Variants in CNTNAP2 observed in about 807,000 individuals in gnomAD.
The protein encoded by CNTNAP2 is contactin-associated protein-like 2.
Under a neutral mutation model 155.2 loss-of-function variants are expected in CNTNAP2, and 98 were observed. The ratio of observed to expected loss-of-function variants is 0.63; its 90% CI spans 0.54 to 0.75. The LOEUF (loss-of-function observed/expected upper bound fraction) is 0.75, where lower values mean the gene tolerates loss of function less well. Among genes scored for constraint, CNTNAP2 ranks in the 30% least tolerant of loss-of-function variants. CNTNAP2 has a pLI of 0.00. For synonymous variants in CNTNAP2, 651 were observed against 631.2 expected, an observed-to-expected ratio of 1.03 and a Z score of -0.47; for missense variants, 1,727 against 1,688.1, an observed-to-expected ratio of 1.02 and a Z score of -0.40.
At chr7:147,938,207 T>C (rs1037276063) in intron 14 of CNTNAP2, among the ~76,000 whole-genome samples, 17 of 152,196 alleles carry the variant, frequency 1.1e-4, no homozygotes, top group African/African-American at 4.1e-4. Context: ...AGTCCTTTTC[T>C]AAAATTTGGG....
intron 22 of CNTNAP2, among the ~76,000 whole-genome samples, chr7:148,392,754 G>C (rs965897302): frequency 2.0e-5 from 3 of 152,184 alleles, no homozygotes; most frequent in African/African-American, 2.4e-5. Context: ...CTGGTCCAGT[G>C]GATTCACTCA....
intron 1 of CNTNAP2, among the ~76,000 whole-genome samples, chr7:146,144,981 A>G (rs1176933075): frequency 6.6e-6 from 1 of 152,156 alleles, no homozygotes; most frequent in African/African-American, 2.4e-5. Context: ...GCAGTAGCTC[A>G]TGGTGGGAGA....
chr7:147,581,737 T>A (rs550008937), intron 12 of CNTNAP2, among the ~76,000 whole-genome samples: 2 of 152,354 alleles, frequency 1.3e-5, no homozygotes, highest in African/African-American at 4.8e-5. Context: ...CAACATGTAC[T>A]CGGTTTAGTT....
At chr7:146,172,212 C>T (rs910482618) in intron 1 of CNTNAP2, among the ~76,000 whole-genome samples, 2 of 151,922 alleles carry the variant, frequency 1.3e-5, no homozygotes, top group African/African-American at 2.4e-5. Flanking sequence ...AACCAAATAG[C>T]TCAAGGCTGG....
At chr7:147,076,171 A>G (rs1263213213) in intron 4 of CNTNAP2, among the ~76,000 whole-genome samples, 1 of 152,162 alleles carries the variant, frequency 6.6e-6, no homozygotes, top group East Asian at 1.9e-4. Flanking sequence ...TGGGTCAAAT[A>G]GTATTTCTAG....
intron 1 of CNTNAP2, among the ~76,000 whole-genome samples, chr7:146,120,865 G>C (rs1797551446): frequency 6.6e-6 from 1 of 152,104 alleles, no homozygotes; most frequent in African/African-American, 2.4e-5. Flanking sequence ...TATGTGTGTA[G>C]TAGGCTACAC....
intron 13 of CNTNAP2, among the ~76,000 whole-genome samples, chr7:147,667,814 A>T (rs9691327): frequency 9.6e-5 from 14 of 145,698 alleles, no homozygotes; most frequent in East Asian, 7.7e-4. Flanking sequence ...AAAATAATAA[A>T]AAAAATAAAA....
In CNTNAP2 at chr7:147,177,321, G is replaced by A. The variant is rs537693128; in HGVS notation, c.1348+44812G>A. ...GATGGGAGCGGTTTCCCCCATGCTG[G>A]TTTCCTGATAGTAAGTTCTCACGAG... On this transcript the variant is annotated intron_variant, in intron 8 of 23. Coordinates refer to ENST00000361727, the MANE Select transcript of CNTNAP2 (RefSeq NM_014141.6). 3.7e-4 allele frequency among the ~76,000 whole-genome samples: 57 copies of A among 152,136 alleles called. 1 individual carries two copies. The South Asian group carries it at 9.1e-3, about 24-fold the overall frequency.
chr7:146,362,517 A>T lies in CNTNAP2; in HGVS notation c.97+245544A>T, dbSNP rs189624106. Among the ~76,000 whole-genome samples, 13 of 152,188 alleles carry T rather than the reference A, an allele frequency of 8.5e-5. No individual in the cohort carries two copies. In the East Asian group the frequency reaches 2.3e-3, roughly 27 times the overall value. On this transcript the variant is annotated intron_variant, in intron 1 of 23. Transcript: ENST00000361727. ...AGTGGGGTCAAGTGATTAAGTGCAA[A>T]ATCCCTTGAGGCAAGAAATATGTTT...
chr7:147,205,254 C>T (rs1908764), intron 8 of CNTNAP2, among the ~76,000 whole-genome samples: 1 of 152,100 alleles, frequency 6.6e-6, no homozygotes, highest in Non-Finnish European at 1.5e-5. Context: ...CTCCCTCCTT[C>T]TAAGTCTCCA....
chr7:146,937,380 AAAAT>A (rs1796940866), intron 3 of CNTNAP2, among the ~76,000 whole-genome samples: 2 of 151,606 alleles, frequency 1.3e-5, no homozygotes, highest in South Asian at 2.1e-4. Context: ...AAAATAAAAT[AAAAT>A]AAATAAAAGC....
At chr7:147,153,956 C>T (rs1801875028) in intron 8 of CNTNAP2, among the ~76,000 whole-genome samples, 1 of 151,998 alleles carries the variant, frequency 6.6e-6, no homozygotes, top group Non-Finnish European at 1.5e-5. Context: ...AAGGCAATTT[C>T]CTGATGGACT....
intron 11 of CNTNAP2, among the ~76,000 whole-genome samples, chr7:147,499,125 G>C (rs954630045): frequency 1.3e-5 from 2 of 152,166 alleles, no homozygotes; most frequent in African/African-American, 4.8e-5. Flanking sequence ...TAAAAGTGCA[G>C]TAAATGAATA....
At chr7:146,575,362 G>A (rs1328521925) in intron 1 of CNTNAP2, among the ~76,000 whole-genome samples, 1 of 152,098 alleles carries the variant, frequency 6.6e-6, no homozygotes, top group Non-Finnish European at 1.5e-5. Context: ...TGATCCACCC[G>A]CCTCAGCCTC....
At chr7:147,589,145 T>G (rs1043581752) in intron 12 of CNTNAP2, among the ~76,000 whole-genome samples, 3 of 152,192 alleles carry the variant, frequency 2.0e-5, no homozygotes, top group African/African-American at 7.2e-5. Context: ...ATTGAATGTT[T>G]CCTTAGAAAT....
At chr7:147,218,201 C>A (rs1475719209) in intron 8 of CNTNAP2, among the ~76,000 whole-genome samples, 5 of 151,638 alleles carry the variant, frequency 3.3e-5, no homozygotes, top group Admixed American at 2.0e-4. Context: ...ATTGGCTCTT[C>A]TTTTTCTCAT....
At chr7:148,248,291 C>A (rs1245585974) in intron 20 of CNTNAP2, among the ~76,000 whole-genome samples, 1 of 151,870 alleles carries the variant, frequency 6.6e-6, no homozygotes, top group Non-Finnish European at 1.5e-5. Flanking sequence ...CTCCACCTCC[C>A]AGATTCAAAT....
intron 1 of CNTNAP2, among the ~76,000 whole-genome samples, chr7:146,493,010 G>A (rs565459864): frequency 1.2e-4 from 18 of 152,174 alleles, no homozygotes; most frequent in South Asian, 1.0e-3. Context: ...TAATCTAAGC[G>A]CAATTTAAGG....
intron 15 of CNTNAP2, among the ~76,000 whole-genome samples, chr7:148,038,795 G>T (rs1585091468): frequency 1.6e-5 from 1 of 63,920 alleles, no homozygotes; most frequent in Non-Finnish European, 3.4e-5. Flanking sequence ...CTTCTCCAAA[G>T]AGAGAGAGAG....
Sources: gnomAD v4.1 joint callset for allele counts (sites outside exome capture counted in the v4.1 genomes callset) on GRCh38, gnomAD v4.1.1 for gene constraint, MANE v1.5 for transcripts, NCBI Gene and HGNC (gene_info 2026-07-23, HGNC 2026-07-21) for gene names.